IGF2: variants seen among roughly 807,000 people sequenced by gnomAD.
The protein encoded by IGF2 is insulin-like growth factor 2.
Under a neutral mutation model 12.0 loss-of-function variants are expected in IGF2, and 2 were observed. The observed-to-expected ratio is 0.17, with a 90% CI of 0.07 to 0.52. IGF2 has a LOEUF of 0.52. Among genes scored for constraint, IGF2 ranks in the 20% least tolerant of loss-of-function variants. The pLI is 0.95. For synonymous variants in IGF2, 105 were observed against 110.1 expected (o/e 0.95, Z 0.29); for missense variants, 211 against 268.0 (o/e 0.79, Z 1.48).
chr11:2,135,650 TC>T, intron 1 of IGF2, 121 bp from the exon 2 acceptor site: 1 of 792,618 alleles, frequency 1.3e-6, no homozygotes, highest in Non-Finnish European at 2.0e-6. Context: ...AGCACGGCTT[TC>T]CTATAAACAT....
the IGF2 span, chr11:2,147,368 C>G: frequency 2.6e-6 from 1 of 390,866 alleles, no homozygotes; most frequent in Non-Finnish European, 4.5e-6. The surrounding 1 kb of genome is among the most constrained non-coding windows in gnomAD (Gnocchi z 7.2). Flanking sequence ...GGAACCTGCT[C>G]TGCCCACACC....
In IGF2 at chr11:2,131,895, CTGTGCGTTTGT is replaced by C. The variant is rs1208495130; in HGVS notation, c.*1081_*1091del. On this transcript the variant is annotated 3_prime_UTR_variant, in exon 4 of 4. Coordinates refer to ENST00000416167, the MANE Select transcript of IGF2 (RefSeq NM_000612.6). ...CGTGTGTGCTGTGCGTTTGTGTGTGCTGTGCGTTTGTGTGTGTGCTGTGTGTGCATGTGTGT... is the reference window on the plus strand; with the variant it reads ...CGTGTGTGCTGTGCGTTTGTGTGTGCGTGTGTGCTGTGTGTGCATGTGTGT... 53 of 118,700 alleles carry C rather than the reference CTGTGCGTTTGT, an allele frequency of 4.5e-4. No individual in the cohort carries two copies. Among genetic ancestry groups the C allele is most frequent in the Non-Finnish European group, 6.1e-4 (40 of 65,094 alleles). 7.4% of individuals were successfully genotyped at this position (118,700 alleles called of 1,614,324 possible).
intron 2 of IGF2, 48 bp downstream of exon 2, chr11:2,135,319 A>G (rs1234285653): frequency 6.7e-7 from 1 of 1,490,786 alleles, no homozygotes; most frequent in Non-Finnish European, 9.0e-7. Flanking sequence ...CTCACCGGTC[A>G]CTCTAGGGGC....
Position 2,129,806 on chromosome 11 carries a change from C to G in IGF2, c.*3181G>C, listed in dbSNP as rs1046527630. ...GCGTGCAGGGGGGCTGAGCTGGGGG[C>G]ACAAGTGGGGGCGAGGTAAACCTCC... On this transcript the variant is annotated 3_prime_UTR_variant, in exon 4 of 4. Transcript: ENST00000416167. This position sits in a 1 kb window ranked among gnomAD's most constrained non-coding sequence, Gnocchi z 8.1. The G allele has an allele frequency of 7.3e-5, 17 of 232,288 alleles. 1 individual carries two copies. The highest frequency in any genetic ancestry group is 2.9e-4 in the African/African-American group (13 of 45,364). 14.4% of individuals were successfully genotyped at this position (232,288 alleles called of 1,614,324 possible).
intron 1 of IGF2, among the ~76,000 whole-genome samples, chr11:2,136,974 G>A (rs1394040808): frequency 7.2e-5 from 11 of 152,350 alleles, no homozygotes; most frequent in Admixed American, 6.5e-4. Context: ...GGAGGGGGCC[G>A]AAGGGAAGGA....
chr11:2,147,494 T>G, the IGF2 span: 1 of 593,580 alleles, frequency 1.7e-6, no homozygotes, highest in Middle Eastern at 5.0e-4. This position sits in a 1 kb window ranked among gnomAD's most constrained non-coding sequence, Gnocchi z 7.2. Flanking sequence ...AAGGGGGAGA[T>G]CCCAGTTCGA....
rs1859344637 is a variant in IGF2, at chr11:2,139,139, G to A, written c.-917C>T. On this transcript the variant is annotated 5_prime_UTR_variant, in exon 1 of 4. Transcript: ENST00000416167. ...GAACCGCCTCCTCGGGCGAAGCGGGGATGGGGGGAGTTGAGGTAGATGAAG... is the reference window on the plus strand; with the variant it reads ...GAACCGCCTCCTCGGGCGAAGCGGGAATGGGGGGAGTTGAGGTAGATGAAG... 1 of 152,750 alleles carries A rather than the reference G, an allele frequency of 6.5e-6. No homozygotes were observed. Among genetic ancestry groups the A allele is most frequent in the Admixed American group, 6.6e-5 (1 of 15,236 alleles). 9.5% of individuals were successfully genotyped at this position (152,750 alleles called of 1,614,324 possible). A position where few individuals can be genotyped will look rare whatever the true frequency, so the allele number is the denominator to read the frequency against.
At chr11:2,136,271 C>T (rs953270255) in intron 1 of IGF2, among the ~76,000 whole-genome samples, 2 of 152,248 alleles carry the variant, frequency 1.3e-5, no homozygotes, top group African/African-American at 4.8e-5. Context: ...AACACACACA[C>T]ACACGCCCAG....
intron 2 of IGF2, among the ~76,000 whole-genome samples, chr11:2,135,049 G>A (rs990029660): frequency 3.9e-5 from 6 of 152,370 alleles, no homozygotes; most frequent in South Asian, 2.1e-4. Flanking sequence ...TGCACTAGGC[G>A]TGCGGTGCCT....
upstream of IGF2, chr11:2,140,282 G>A (rs757546694): frequency 5.6e-6 from 9 of 1,612,428 alleles, 1 homozygote; most frequent in South Asian, 9.9e-5. Flanking sequence ...TAATTTGGGG[G>A]TCTGGGGAAA....
At position 2,132,879 on chromosome 11, in the gene IGF2, G is replaced by C. The variant is rs1324364797; in HGVS notation, c.*108C>G. 1.3e-6 allele frequency: 1 copy of C among 779,224 alleles called. No individual in the cohort carries two copies. The highest frequency in any genetic ancestry group is 2.7e-5 in the Admixed American group (1 of 37,628). The allele number at this position is 779,224 out of a possible 1,614,324, so 48.3% of individuals were successfully genotyped here. On this transcript the variant is annotated 3_prime_UTR_variant, in exon 4 of 4. Coordinates refer to ENST00000416167, the MANE Select transcript of IGF2 (RefSeq NM_000612.6). ...GGACTGGGTCAGGAGAAGCCCCAGG[G>C]GGACGTGGAACCGAGAGATTTTCGG...
Position 2,132,340 on chromosome 11 carries a change from C to T in IGF2, c.*647G>A, listed in dbSNP as rs1168035557. On this transcript the variant is annotated 3_prime_UTR_variant, in exon 4 of 4. Transcript: ENST00000416167. ...GCTATTTTCGGATGGCCAGTTTACC[C>T]TGAAAATTCCCGTGAGAAGGGAGAT... is the stretch of plus-strand genomic sequence containing the variant. 1 of 190,818 alleles carries T rather than the reference C, an allele frequency of 5.2e-6. No individual in the cohort carries two copies. Among genetic ancestry groups the T allele is most frequent in the Non-Finnish European group, 1.1e-5 (1 of 91,182 alleles). 11.8% of individuals were successfully genotyped at this position (190,818 alleles called of 1,614,324 possible).
chr11:2,144,088 A>T (rs74774560), upstream of IGF2, among the ~76,000 whole-genome samples: 1 of 150,570 alleles, frequency 6.6e-6, no homozygotes, highest in African/African-American at 2.4e-5. Context: ...TTTTGCTTTT[A>T]TTTTTTTTTT....
Position 2,132,546 on chromosome 11 carries a change from CT to C in IGF2, c.*440del, listed in dbSNP as rs771147163. On this transcript the variant is annotated 3_prime_UTR_variant, in exon 4 of 4. Transcript: ENST00000416167. ...TTTCTCAGCCAATTCGTTTTTAATA[CT>C]TTTTTTTTTTAGCCAATTGATTTTT... 3,428 of 163,910 alleles carry C rather than the reference CT, an allele frequency of 0.021. No homozygotes were observed. Among genetic ancestry groups the C allele is most frequent in the East Asian group, 0.059 (537 of 9,144 alleles). 10.2% of individuals were successfully genotyped at this position (163,910 alleles called of 1,614,324 possible). A position where few individuals can be genotyped will look rare whatever the true frequency, so the allele number is the denominator to read the frequency against.
Position 2,138,794 on chromosome 11 carries a change from C to G in IGF2, c.-572G>C. The G allele has an allele frequency of 1.1e-6, 1 of 947,094 alleles. No homozygotes were observed. The highest frequency in any genetic ancestry group is 1.2e-6 in the Non-Finnish European group (1 of 800,444). 58.7% of individuals were successfully genotyped at this position (947,094 alleles called of 1,614,324 possible). On this transcript the variant is annotated 5_prime_UTR_variant, in exon 1 of 4. Transcript: ENST00000416167. ...AGAAAGAGCGGGGGCCGGGGCCAGA[C>G]GCCAAGAGGGGCGCGGGGAGCACAG...
upstream of IGF2, among the ~76,000 whole-genome samples, chr11:2,144,188 G>A (rs1298119204): frequency 2.0e-5 from 3 of 152,134 alleles, no homozygotes; most frequent in Non-Finnish European, 4.4e-5. Context: ...CAAGGGCCGC[G>A]AGGGAGCGAC....
At chr11:2,135,884 C>T (rs2133593946) in intron 1 of IGF2, among the ~76,000 whole-genome samples, 1 of 152,300 alleles carries the variant, frequency 6.6e-6, no homozygotes, top group African/African-American at 2.4e-5. Flanking sequence ...CCCGACCTGG[C>T]CTCCGTCCTA....
chr11:2,136,918 C>A lies in IGF2; in HGVS notation c.-7+1311G>T, dbSNP rs557858023. ...AGAAAGCAGGACAGGAAGCATGCAG[C>A]GGTGCGGAGCAGGTGAGGGCCCAGG... is the stretch of plus-strand genomic sequence containing the variant. On this transcript the variant is annotated intron_variant, in intron 1 of 3. Coordinates refer to ENST00000416167, the MANE Select transcript of IGF2 (RefSeq NM_000612.6). Among the ~76,000 whole-genome samples the A allele has an allele frequency of 2.6e-5, 4 of 152,326 alleles. No homozygotes were observed. The East Asian group carries it at 7.7e-4, about 29-fold the overall frequency.
chr11:2,146,329 A>T, the IGF2 span: 3 of 536,100 alleles, frequency 5.6e-6, no homozygotes, highest in South Asian at 4.2e-5. Flanking sequence ...AAGGGTCCTC[A>T]GAGCGCCCCT....
Sources: allele counts gnomAD v4.1 joint callset (sites outside exome capture counted in the v4.1 genomes callset), GRCh38; gene constraint gnomAD v4.1.1; non-coding constraint Gnocchi (gnomAD v3.1); transcripts MANE v1.5; gene names NCBI Gene and HGNC (gene_info 2026-07-23, HGNC 2026-07-21).